Variants in PNPLA1 observed in about 807,000 individuals in gnomAD.
PNPLA1 encodes omega-hydroxyceramide transacylase.
In PNPLA1, 36 loss-of-function variants were observed where a neutral mutation model predicts 51.7. The observed-to-expected ratio is 0.70, with a 90% CI of 0.53 to 0.92. The LOEUF (loss-of-function observed/expected upper bound fraction) is 0.92, where lower values mean the gene tolerates loss of function less well. Among genes scored for constraint, PNPLA1 ranks in the 40% least tolerant of loss-of-function variants. The pLI is 0.00. For missense variants in PNPLA1, 658 were observed against 682.5 expected (o/e 0.96, Z 0.40); for synonymous variants, 293 against 280.1 (o/e 1.05, Z -0.46).
chr6:36,307,832 G>C, intron 8 of PNPLA1, 120 bp downstream of exon 8: 1 of 1,325,516 alleles, frequency 7.5e-7, no homozygotes. Flanking sequence ...TGGGAGATTG[G>C]GCTTTGGAAC....
At chr6:36,301,101 ACGCCATCCCCC>A (rs1407724602) in intron 5 of PNPLA1, among the ~76,000 whole-genome samples, 1 of 137,380 alleles carries the variant, frequency 7.3e-6, no homozygotes, top group Non-Finnish European at 1.6e-5. Flanking sequence ...GCCTAGATAA[ACGCCATCCCCC>A]CGCCCCCCCA....
intron 1 of PNPLA1, among the ~76,000 whole-genome samples, chr6:36,279,990 G>A (rs1160910994): frequency 2.6e-5 from 4 of 152,092 alleles, no homozygotes; most frequent in African/African-American, 7.2e-5. Context: ...GGCAGATCAC[G>A]AGGTTAGGAG....
intron 1 of PNPLA1, among the ~76,000 whole-genome samples, chr6:36,283,455 A>G (rs1770381894): frequency 6.6e-6 from 1 of 152,176 alleles, no homozygotes; most frequent in Admixed American, 6.5e-5. Context: ...TTCACCCATG[A>G]ATCCTGTGGG....
At chr6:36,300,441 G>GC (rs2031568407) in intron 5 of PNPLA1, among the ~76,000 whole-genome samples, 1 of 152,030 alleles carries the variant, frequency 6.6e-6, no homozygotes, top group Non-Finnish European at 1.5e-5. Context: ...TAATCCGCCC[G>GC]CCTCGGCCTC....
intron 1 of PNPLA1, among the ~76,000 whole-genome samples, chr6:36,252,550 A>G (rs1313412619): frequency 6.6e-6 from 1 of 151,954 alleles, no homozygotes; most frequent in Admixed American, 6.6e-5. Flanking sequence ...GTCAAAAAAA[A>G]AAAAAAAAAC....
chr6:36,284,966 G>A (rs1770437818), intron 1 of PNPLA1, among the ~76,000 whole-genome samples: 1 of 152,106 alleles, frequency 6.6e-6, no homozygotes, highest in Admixed American at 6.6e-5. Context: ...GCAGTGTAGG[G>A]CATAGAAATA....
At chr6:36,259,175 AACC>A (rs1769594019) in intron 1 of PNPLA1, among the ~76,000 whole-genome samples, 1 of 152,184 alleles carries the variant, frequency 6.6e-6, no homozygotes, top group Non-Finnish European at 1.5e-5. Flanking sequence ...AGTTTTGCAC[AACC>A]TGTTCCTAGA....
At chr6:36,267,633 C>G (rs779812369), upstream of PNPLA1, among the ~76,000 whole-genome samples, 47 of 152,106 alleles carry the variant, frequency 3.1e-4, no homozygotes, top group Non-Finnish European at 5.6e-4. Context: ...AGCAGGTGGC[C>G]TTGCTTTCTA....
intron 1 of PNPLA1, among the ~76,000 whole-genome samples, chr6:36,250,086 C>T (rs1480464277): frequency 6.6e-6 from 1 of 152,204 alleles, no homozygotes; most frequent in Non-Finnish European, 1.5e-5. Context: ...CCAAACCATT[C>T]CCAGCCCCTT....
chr6:36,296,695 G>T (rs115430384), intron 5 of PNPLA1, among the ~76,000 whole-genome samples: 4 of 152,092 alleles, frequency 2.6e-5, no homozygotes, highest in South Asian at 4.1e-4. Context: ...CCCAACAAGG[G>T]GGGTGGAGAG....
At chr6:36,310,359 G>A (rs548656918) in intron 8 of PNPLA1, among the ~76,000 whole-genome samples, 14 of 152,244 alleles carry the variant, frequency 9.2e-5, no homozygotes, top group African/African-American at 3.1e-4. Context: ...GTGGTCATCC[G>A]ACTCTGGATT....
upstream of PNPLA1, among the ~76,000 whole-genome samples, chr6:36,267,072 T>C (rs1293705776): frequency 2.6e-5 from 4 of 152,208 alleles, no homozygotes; most frequent in Admixed American, 6.5e-5. Context: ...AAGTGTGTGA[T>C]AAGCAATCTG....
intron 1 of PNPLA1, among the ~76,000 whole-genome samples, chr6:36,278,036 AC>A (rs1770165604): frequency 6.6e-6 from 1 of 151,870 alleles, no homozygotes; most frequent in South Asian, 2.1e-4. Context: ...GCCTAGAATG[AC>A]CCTCTGCCCC....
chr6:36,299,769 A>G (rs1002661704), intron 5 of PNPLA1, among the ~76,000 whole-genome samples: 1 of 152,062 alleles, frequency 6.6e-6, no homozygotes, highest in East Asian at 1.9e-4. Flanking sequence ...TCATTTGTCT[A>G]TTTGCCTCCC....
chr6:36,275,426 T>G (rs1770061396), intron 1 of PNPLA1, among the ~76,000 whole-genome samples: 2 of 152,228 alleles, frequency 1.3e-5, no homozygotes, highest in Admixed American at 6.5e-5. Flanking sequence ...TACAATGATT[T>G]CTTCTACATT....
In PNPLA1 at chr6:36,294,949, TA is replaced by T. The variant is rs1306193143; in HGVS notation, c.715-414del. ...ATCCTCTAGCATCCTCTATGATCAA[TA>T]TTATAACTGTCCCCATTTTATAGAT... On this transcript the variant is annotated intron_variant, in intron 4 of 8. Coordinates refer to ENST00000636260, the MANE Select transcript of PNPLA1 (RefSeq NM_001374623.1). The surrounding 1 kb of genome is among the most constrained non-coding windows in gnomAD (Gnocchi z 4.2). Among the ~76,000 whole-genome samples the T allele has an allele frequency of 6.6e-6, 1 of 152,222 alleles. No homozygotes were observed. Among genetic ancestry groups the T allele is most frequent in the Non-Finnish European group, 1.5e-5 (1 of 68,044 alleles).
intron 1 of PNPLA1, among the ~76,000 whole-genome samples, chr6:36,290,691 C>G (rs993601585): frequency 2.6e-5 from 4 of 152,186 alleles, no homozygotes; most frequent in African/African-American, 9.7e-5. Flanking sequence ...ATGGCACAGG[C>G]GAGCCTTACA....
intron 1 of PNPLA1, among the ~76,000 whole-genome samples, chr6:36,288,253 C>A (rs959592701): frequency 6.6e-6 from 1 of 152,180 alleles, no homozygotes; most frequent in African/African-American, 2.4e-5. Context: ...AAATAGCCAA[C>A]CACTCTTGGT....
chr6:36,275,263 T>C (rs545769957), intron 1 of PNPLA1, among the ~76,000 whole-genome samples: 1 of 152,202 alleles, frequency 6.6e-6, no homozygotes, highest in South Asian at 2.1e-4. Flanking sequence ...AATTTTTTTG[T>C]AGAGTCAGGG....
Sources: gnomAD v4.1 joint callset for allele counts (sites outside exome capture counted in the v4.1 genomes callset) on GRCh38, gnomAD v4.1.1 for gene constraint, Gnocchi (gnomAD v3.1) non-coding constraint, MANE v1.5 for transcripts, NCBI Gene and HGNC (gene_info 2026-07-23, HGNC 2026-07-21) for gene names.